C10orf90: variants seen among roughly 807,000 people sequenced by gnomAD.
C10orf90 encodes the protein chromosome 10 open reading frame 90.
In C10orf90, 56 loss-of-function variants were observed where a neutral mutation model predicts 62.5. The ratio of observed to expected loss-of-function variants is 0.90; its 90% CI spans 0.72 to 1.12. C10orf90 has a LOEUF of 1.12. Ranked by LOEUF, C10orf90 falls within the 50% of genes most tolerant of loss-of-function variation. The pLI is 0.00. For missense variants in C10orf90, 970 were observed against 880.4 expected (o/e 1.10, Z -1.29); for synonymous variants, 386 against 340.4 (o/e 1.13, Z -1.47).
At chr10:126,588,691 T>C (rs1016112658) in intron 2 of C10orf90, among the ~76,000 whole-genome samples, 2 of 151,808 alleles carry the variant, frequency 1.3e-5, no homozygotes, top group African/African-American at 4.8e-5. Flanking sequence ...CCACAAAAAC[T>C]CCATTCAAAG....
chr10:126,521,429 C>A, intron 2 of C10orf90: 1 of 1,569,112 alleles, frequency 6.4e-7, no homozygotes, highest in Non-Finnish European at 8.6e-7. Context: ...ACCTCTGTGG[C>A]TAGGCTCAGA....
Position 126,425,974 on chromosome 10 carries a change from G to A in C10orf90, c.2352+17C>T, listed in dbSNP as rs1361971558. On this transcript the variant is annotated intron_variant, in intron 9 of 9. Transcript: ENST00000488181. Reference sequence around the variant, plus strand: ...GTGCACCACACACATCACACCTGCTGGTGACGAGGCCATTACCTTTTTGAA... The same window carrying A: ...GTGCACCACACACATCACACCTGCTAGTGACGAGGCCATTACCTTTTTGAA... 1.2e-6 allele frequency: 2 copies of A among 1,613,622 alleles called. No homozygotes were observed. The highest frequency in any genetic ancestry group is 3.3e-5 in the Admixed American group (2 of 59,998).
intron 2 of C10orf90, among the ~76,000 whole-genome samples, chr10:126,571,837 A>T (rs1193944797): frequency 1.3e-5 from 2 of 152,026 alleles, no homozygotes; most frequent in Non-Finnish European, 2.9e-5. Context: ...TGGCTACCAA[A>T]CCTCAAGGGG....
At chr10:126,567,960 G>T (rs1844427688) in intron 2 of C10orf90, among the ~76,000 whole-genome samples, 1 of 151,636 alleles carries the variant, frequency 6.6e-6, no homozygotes, top group Admixed American at 6.6e-5. Flanking sequence ...TATTGTACAA[G>T]AAATGGGAGA....
intron 2 of C10orf90, among the ~76,000 whole-genome samples, chr10:126,572,687 C>T (rs781242340): frequency 1.3e-5 from 2 of 152,098 alleles, no homozygotes; most frequent in Non-Finnish European, 2.9e-5. Flanking sequence ...TATTTTGTCC[C>T]GACCTCCTAT....
intron 2 of C10orf90, among the ~76,000 whole-genome samples, chr10:126,565,250 T>TATTACATAATATGTAATATAATATTA (rs1844336160): frequency 2.2e-4 from 5 of 22,770 alleles, no homozygotes; most frequent in African/African-American, 5.9e-4. Context: ...ATAATATTTA[T>TATTACATAATATGTAATATAATATTA]TATATTATAT....
Position 126,497,814 on chromosome 10 carries a change from T to C in C10orf90, c.1534+6143A>G, listed in dbSNP as rs374471811. Among the ~76,000 whole-genome samples, 31 of 152,318 alleles carry C rather than the reference T, an allele frequency of 2.0e-4. No individual in the cohort carries two copies. The South Asian group carries it at 2.1e-3, about 10-fold the overall frequency. The stretch of plus-strand genomic sequence containing the variant: ...AGAACAATGCATAACTAAATTGGCA[T>C]GGCTATTTTCAATACAACTATTTAC... On this transcript the variant is annotated intron_variant, in intron 4 of 9. Coordinates refer to ENST00000488181, the MANE Select transcript of C10orf90 (RefSeq NM_001350921.2).
intron 2 of C10orf90, among the ~76,000 whole-genome samples, chr10:126,629,646 A>G (rs1277383218): frequency 1.3e-5 from 2 of 152,264 alleles, no homozygotes; most frequent in East Asian, 3.8e-4. Flanking sequence ...TAGTTAAACT[A>G]ACCAGGAAAC....
At chr10:126,600,140 G>A (rs1845169236) in intron 2 of C10orf90, among the ~76,000 whole-genome samples, 1 of 152,170 alleles carries the variant, frequency 6.6e-6, no homozygotes, top group Non-Finnish European at 1.5e-5. Flanking sequence ...TGCATCGCAT[G>A]TGTGTGCACA....
chr10:126,553,522 T>C (rs1864686013), intron 2 of C10orf90, among the ~76,000 whole-genome samples: 1 of 152,172 alleles, frequency 6.6e-6, no homozygotes, highest in African/African-American at 2.4e-5. Context: ...TCCTATTACC[T>C]AGTGATGTCA....
At chr10:126,550,306 A>G (rs1864604363) in intron 2 of C10orf90, among the ~76,000 whole-genome samples, 1 of 152,000 alleles carries the variant, frequency 6.6e-6, no homozygotes, top group Non-Finnish European at 1.5e-5. Context: ...AGGATAGAAA[A>G]GTGGTTGCCA....
intron 4 of C10orf90, among the ~76,000 whole-genome samples, chr10:126,480,926 C>T (rs1861130818): frequency 6.6e-6 from 1 of 152,104 alleles, no homozygotes; most frequent in African/African-American, 2.4e-5. Flanking sequence ...CTTTTCCTCC[C>T]ACCTAAAATA....
At chr10:126,657,545 A>AT (rs939139175) in intron 1 of C10orf90, among the ~76,000 whole-genome samples, 6 of 149,518 alleles carry the variant, frequency 4.0e-5, no homozygotes, top group Non-Finnish European at 5.9e-5. Flanking sequence ...CAATTGATCA[A>AT]TTTTTTTTCC....
At chr10:126,516,706 G>A (rs991412571) in intron 2 of C10orf90, among the ~76,000 whole-genome samples, 33 of 152,158 alleles carry the variant, frequency 2.2e-4, no homozygotes, top group Admixed American at 1.3e-4. Flanking sequence ...TGCGACAAAC[G>A]ACCACAAATT....
chr10:126,463,761 G>A (rs1322164413), intron 5 of C10orf90, among the ~76,000 whole-genome samples: 3 of 152,206 alleles, frequency 2.0e-5, no homozygotes, highest in Admixed American at 6.5e-5. Flanking sequence ...AGTGTCAGGG[G>A]CCGTCCTCGG....
chr10:126,458,777 G>T (rs973854515), intron 7 of C10orf90, among the ~76,000 whole-genome samples: 3 of 152,306 alleles, frequency 2.0e-5, no homozygotes, highest in Non-Finnish European at 4.4e-5. Flanking sequence ...CTGCTACAGT[G>T]GTGTGGCTTC....
intron 7 of C10orf90, among the ~76,000 whole-genome samples, chr10:126,450,373 G>A (rs144674015): frequency 2.1e-3 from 313 of 152,232 alleles, no homozygotes; most frequent in African/African-American, 7.3e-3. Context: ...ATCTGCAGAC[G>A]ACTCCAAATA....
chr10:126,469,012 A>C (rs1029249753), intron 4 of C10orf90, among the ~76,000 whole-genome samples: 1 of 152,224 alleles, frequency 6.6e-6, no homozygotes, highest in Non-Finnish European at 1.5e-5. Flanking sequence ...ACATGCACAC[A>C]GTCTCATAAC....
chr10:126,645,461 G>A (rs7478429), intron 2 of C10orf90, among the ~76,000 whole-genome samples: 60,273 of 151,058 alleles, frequency 0.4, 13,082 homozygotes, highest in Non-Finnish European at 0.47. Flanking sequence ...ATGGTGGTGC[G>A]TGCCTCTAGT....
Sources: allele counts gnomAD v4.1 joint callset (sites outside exome capture counted in the v4.1 genomes callset), GRCh38; gene constraint gnomAD v4.1.1; transcripts MANE v1.5; gene names NCBI Gene and HGNC (gene_info 2026-07-23, HGNC 2026-07-21).